TANGO6: variants seen among roughly 807,000 people sequenced by gnomAD.
The protein encoded by TANGO6 is transport and golgi organization 6 homolog, also known as transport and Golgi organization protein 6 homolog.
TANGO6 carries 90 observed loss-of-function variants against 114.2 expected under a neutral mutation model. That is an observed-to-expected ratio of 0.79 (90% confidence interval 0.66 to 0.94). The LOEUF (loss-of-function observed/expected upper bound fraction) is 0.94. TANGO6 is among the 40% of genes least tolerant of loss of function. TANGO6 has a pLI of 0.00. For missense variants in TANGO6, 1,274 were observed against 1,315.3 expected (o/e 0.97, Z 0.49); for synonymous variants, 477 against 509.8 (o/e 0.94, Z 0.87).
At chr16:69,030,672 G>C (rs1341582177) in intron 16 of TANGO6, among the ~76,000 whole-genome samples, 2 of 152,024 alleles carry the variant, frequency 1.3e-5, no homozygotes, top group Non-Finnish European at 2.9e-5. Context: ...AGTGCAAATA[G>C]GTAGTAGGTT....
chr16:68,889,581 A>G (rs181340917), intron 7 of TANGO6, among the ~76,000 whole-genome samples: 2 of 152,328 alleles, frequency 1.3e-5, no homozygotes, highest in Admixed American at 6.5e-5. Context: ...CTTTCTGGAA[A>G]CATCCATGTG....
intron 4 of TANGO6, among the ~76,000 whole-genome samples, chr16:68,870,018 G>A (rs1448847424): frequency 1.3e-5 from 2 of 152,144 alleles, no homozygotes; most frequent in African/African-American, 2.4e-5. Flanking sequence ...GATGCGAAAC[G>A]ATTAACAGTT....
At chr16:68,909,777 G>A (rs1342977857) in intron 11 of TANGO6, among the ~76,000 whole-genome samples, 3 of 152,100 alleles carry the variant, frequency 2.0e-5, no homozygotes, top group Non-Finnish European at 2.9e-5. Context: ...ATTAGAGCCC[G>A]GGCATCTTCG....
intron 3 of TANGO6, chr16:68,863,275 A>G (rs555667754): frequency 2.8e-6 from 1 of 359,792 alleles, no homozygotes; most frequent in East Asian, 4.6e-5. Context: ...AATGATGGAC[A>G]CTTTTCCCAA....
chr16:69,080,055 C>CA (rs965677073), intron 17 of TANGO6, among the ~76,000 whole-genome samples: 16 of 151,464 alleles, frequency 1.1e-4, no homozygotes, highest in African/African-American at 3.9e-4. Flanking sequence ...ACCCCATCTT[C>CA]AAAAAAATGT....
chr16:68,865,313 A>G (rs888464146), intron 3 of TANGO6, among the ~76,000 whole-genome samples: 4 of 151,886 alleles, frequency 2.6e-5, no homozygotes, highest in Non-Finnish European at 5.9e-5. Context: ...TGACAGCAAC[A>G]TGATCAGTGT....
intron 15 of TANGO6, among the ~76,000 whole-genome samples, chr16:68,984,309 T>C (rs1014282951): frequency 2.6e-5 from 4 of 152,254 alleles, no homozygotes; most frequent in Admixed American, 1.3e-4. Flanking sequence ...TCAGTGTAGT[T>C]CAATTCAACA....
intron 7 of TANGO6, among the ~76,000 whole-genome samples, chr16:68,890,641 T>C (rs1962599858): frequency 6.6e-6 from 1 of 151,970 alleles, no homozygotes; most frequent in Admixed American, 6.6e-5. Flanking sequence ...CCAGCACACT[T>C]TGGGAGGCCA....
chr16:68,889,044 G>T (rs544513816), intron 7 of TANGO6, among the ~76,000 whole-genome samples: 1 of 152,062 alleles, frequency 6.6e-6, no homozygotes, highest in African/African-American at 2.4e-5. Flanking sequence ...GGTTGTTCTC[G>T]AACTCCTGAC....
chr16:68,921,305 C>T (rs1965718844), intron 12 of TANGO6, among the ~76,000 whole-genome samples: 2 of 151,428 alleles, frequency 1.3e-5, no homozygotes, highest in Admixed American at 1.3e-4. Flanking sequence ...GCCTCAGCCT[C>T]CCAAGTAGCT....
chr16:69,053,379 G>A (rs1460270411), intron 17 of TANGO6, among the ~76,000 whole-genome samples: 1 of 151,846 alleles, frequency 6.6e-6, no homozygotes, highest in Non-Finnish European at 1.5e-5. Flanking sequence ...TTTCTTGTTT[G>A]AATTTTAGTT....
chr16:68,999,589 C>T (rs1486846122), intron 15 of TANGO6, among the ~76,000 whole-genome samples: 5 of 152,102 alleles, frequency 3.3e-5, no homozygotes, highest in South Asian at 4.1e-4. Flanking sequence ...CAAATAATTT[C>T]CAAATTCTGG....
At chr16:68,855,590 A>G (rs1414599514) in intron 1 of TANGO6, among the ~76,000 whole-genome samples, 1 of 151,630 alleles carries the variant, frequency 6.6e-6, no homozygotes, top group African/African-American at 2.4e-5. Context: ...AAAAAAAAAA[A>G]GTTTTAAATT....
chr16:69,049,215 T>C (rs907896273), intron 17 of TANGO6, among the ~76,000 whole-genome samples: 1 of 151,740 alleles, frequency 6.6e-6, no homozygotes, highest in Non-Finnish European at 1.5e-5. Context: ...CAAAAGAAAC[T>C]CCATACTCCA....
intron 14 of TANGO6, among the ~76,000 whole-genome samples, chr16:68,957,601 G>T (rs1963545734): frequency 6.6e-6 from 1 of 151,786 alleles, no homozygotes; most frequent in Admixed American, 6.6e-5. Context: ...GTTTCACCAT[G>T]TTGGCCAGGC....
rs183735892 is a variant in TANGO6, at chr16:68,925,401, G to A, written c.2128-2167G>A. On this transcript the variant is annotated intron_variant, in intron 12 of 17. Coordinates refer to ENST00000261778, the MANE Select transcript of TANGO6 (RefSeq NM_024562.2). The stretch of plus-strand genomic sequence containing the variant: ...TGCCATCTGTATATCTTCTTTGGTA[G>A]GGTATTCTTCTTTGGTAGACCTATC... Among the ~76,000 whole-genome samples, 4 of 152,276 alleles carry A rather than the reference G, an allele frequency of 2.6e-5. No homozygotes were observed. The East Asian group carries it at 7.7e-4, about 29-fold the overall frequency.
intron 4 of TANGO6, chr16:68,867,895 A>G (rs1258326018): frequency 6.6e-6 from 1 of 151,066 alleles, no homozygotes; most frequent in Non-Finnish European, 1.5e-5. Flanking sequence ...TAATCCCAGC[A>G]CTTTGGGAGG....
At chr16:68,981,761 T>C (rs929320078) in intron 15 of TANGO6, among the ~76,000 whole-genome samples, 2 of 152,188 alleles carry the variant, frequency 1.3e-5, no homozygotes, top group African/African-American at 2.4e-5. Flanking sequence ...TGATTTGGAA[T>C]GCTCCAGAAT....
At chr16:68,882,354 G>T (rs887433341) in intron 7 of TANGO6, among the ~76,000 whole-genome samples, 3 of 151,878 alleles carry the variant, frequency 2.0e-5, no homozygotes, top group Non-Finnish European at 4.4e-5. Flanking sequence ...AAAATTAGCC[G>T]GGCGTGGTGG....
Sources: allele counts gnomAD v4.1 joint callset (sites outside exome capture counted in the v4.1 genomes callset), GRCh38; gene constraint gnomAD v4.1.1; transcripts MANE v1.5; gene names NCBI Gene and HGNC (gene_info 2026-07-23, HGNC 2026-07-21).